The following CNTN5 variants were observed in gnomAD, a reference collection of about 807,000 sequenced individuals.
The protein encoded by CNTN5 is contactin 5.
In CNTN5, 77 loss-of-function variants were observed where a neutral mutation model predicts 129.1. The ratio of observed to expected loss-of-function variants is 0.60; its 90% CI spans 0.50 to 0.72. CNTN5 has a LOEUF of 0.72. Ranked by LOEUF, CNTN5 falls within the 30% of genes least tolerant of loss-of-function variation. The pLI, the probability that CNTN5 is intolerant of heterozygous loss-of-function variation, is 0.00. For synonymous variants in CNTN5, 509 were observed against 465.6 expected (o/e 1.09, Z -1.20); for missense variants, 1,478 against 1,328.8 (o/e 1.11, Z -1.75).
intron 1 of CNTN5, among the ~76,000 whole-genome samples, chr11:99,295,745 G>A (rs1244722606): frequency 9.9e-5 from 15 of 151,588 alleles, no homozygotes; most frequent in Admixed American, 1.3e-4. Flanking sequence ...GCGCGGTGGC[G>A]GGCGCCTGTA....
At chr11:99,722,056 T>G (rs756491465) in intron 3 of CNTN5, among the ~76,000 whole-genome samples, 1 of 152,140 alleles carries the variant, frequency 6.6e-6, no homozygotes, top group Non-Finnish European at 1.5e-5. Context: ...GTTCACCCAT[T>G]GTGGGAAAGC....
intron 8 of CNTN5, among the ~76,000 whole-genome samples, chr11:99,972,085 TAAAAAAAAAAAAAA>T (rs71050038): frequency 2.2e-5 from 2 of 92,228 alleles, no homozygotes; most frequent in Non-Finnish European, 4.0e-5. Flanking sequence ...TTATCTCTAT[TAAAAAAAAAAAAAA>T]AAAAAAAAAA....
chr11:99,768,773 A>T (rs1488856991), intron 3 of CNTN5, among the ~76,000 whole-genome samples: 1 of 152,154 alleles, frequency 6.6e-6, no homozygotes, highest in Non-Finnish European at 1.5e-5. Context: ...TGGATAAGAT[A>T]GGATCTGCCA....
At chr11:99,291,000 A>G (rs1185339189) in intron 1 of CNTN5, among the ~76,000 whole-genome samples, 1 of 151,916 alleles carries the variant, frequency 6.6e-6, no homozygotes, top group African/African-American at 2.4e-5. Flanking sequence ...CCCCTGCCTA[A>G]CAACAGGTAT....
intron 3 of CNTN5, among the ~76,000 whole-genome samples, chr11:99,669,721 T>G (rs1952957243): frequency 6.6e-6 from 1 of 152,114 alleles, no homozygotes; most frequent in African/African-American, 2.4e-5. Context: ...CTGGTCTCTC[T>G]TATCTTACCC....
chr11:99,880,133 C>T (rs957478210), intron 6 of CNTN5, among the ~76,000 whole-genome samples: 8 of 152,182 alleles, frequency 5.3e-5, no homozygotes, highest in South Asian at 2.1e-4. Context: ...ACATGCATAG[C>T]GTGTGTTCAT....
intron 3 of CNTN5, among the ~76,000 whole-genome samples, chr11:99,588,179 T>G (rs1949864496): frequency 6.6e-6 from 1 of 151,942 alleles, no homozygotes; most frequent in African/African-American, 2.4e-5. Context: ...CCGTCTCTAC[T>G]AAAACACACA....
Position 100,299,355 on chromosome 11 carries a change from G to C in CNTN5, c.2579G>C (p.Gly860Ala), listed in dbSNP as rs757976836. 6.2e-7 allele frequency: 1 copy of C among 1,609,318 alleles called. No individual in the cohort carries two copies. ...GGCGTTTATAACAATAAAGGAGATG[G>C]GCCTTTTAGTCAAATTGTGGTCATC... ...KVGVYNNKGD[G>A]PFSQIVVICS... is the part of the protein sequence containing the mutation. The change falls in exon 20 of 25, where the codon GGG becomes GCG. Residue 860 changes from glycine (G) to alanine (A), a missense_variant. Physicochemically the swap from Gly to Ala is moderately conservative, Grantham distance 60. Transcript: ENST00000524871.
At chr11:99,703,318 T>A (rs1954608249) in intron 3 of CNTN5, among the ~76,000 whole-genome samples, 1 of 149,630 alleles carries the variant, frequency 6.7e-6, no homozygotes, top group Non-Finnish European at 1.5e-5. Context: ...TTAAATTATC[T>A]AGAGGTTGAG....
chr11:99,209,485 A>AACTG (rs150386361), intron 1 of CNTN5, among the ~76,000 whole-genome samples: 232 of 1,070 alleles, frequency 0.22, 3 homozygotes, highest in African/African-American at 0.45. Context: ...ATCTTGCATG[A>AACTG]ACAGAGAAAG....
intron 3 of CNTN5, among the ~76,000 whole-genome samples, chr11:99,773,807 A>T (rs1050112826): frequency 6.6e-6 from 1 of 152,078 alleles, no homozygotes; most frequent in African/African-American, 2.4e-5. Context: ...ATTCAAGTTC[A>T]TGAGCGTGAC....
intron 15 of CNTN5, among the ~76,000 whole-genome samples, chr11:100,223,615 C>T (rs1949313395): frequency 6.6e-6 from 1 of 152,084 alleles, no homozygotes; most frequent in Non-Finnish European, 1.5e-5. Context: ...GGTCTGTAAT[C>T]TGGGATGCCT....
intron 13 of CNTN5, among the ~76,000 whole-genome samples, chr11:100,102,728 T>C (rs926202069): frequency 2.6e-5 from 4 of 152,274 alleles, no homozygotes; most frequent in East Asian, 3.9e-4. Flanking sequence ...TATATTTTAT[T>C]TATCCTAGGC....
chr11:99,047,724 T>C (rs1864269967), intron 1 of CNTN5, among the ~76,000 whole-genome samples: 1 of 152,060 alleles, frequency 6.6e-6, no homozygotes, highest in Non-Finnish European at 1.5e-5. Flanking sequence ...ATGCCTAAAT[T>C]AACACCTCCA....
chr11:99,321,113 C>T (rs1029915195), intron 1 of CNTN5, among the ~76,000 whole-genome samples: 2 of 151,844 alleles, frequency 1.3e-5, no homozygotes, highest in East Asian at 1.9e-4. Flanking sequence ...ACTGGAAGTA[C>T]GTTTTTGGCT....
rs1173209999 is a variant in CNTN5, at chr11:100,193,623, A to C, written c.1844A>C (p.Asp615Ala). 3 of 1,612,028 alleles carry C rather than the reference A, an allele frequency of 1.9e-6. No homozygotes were observed. Among genetic ancestry groups the C allele is most frequent in the Non-Finnish European group, 1.7e-6 (2 of 1,178,818 alleles). The stretch of plus-strand genomic sequence containing the variant: ...TGGACTCTGAAAGGACAGCCTATTG[A>C]TTTCGAGGAAGAGGGTGGACATTTT... ...FYWTLKGQPI[D>A]FEEEGGHFES... The change falls in exon 15 of 25, where the codon GAT becomes GCT. Residue 615 changes from aspartate to alanine, a missense_variant. By Grantham distance (126) the Asp-to-Ala change is moderately radical. Coordinates refer to ENST00000524871, the MANE Select transcript of CNTN5 (RefSeq NM_014361.4).
intron 20 of CNTN5, among the ~76,000 whole-genome samples, chr11:100,307,951 A>G (rs1355623326): frequency 6.6e-6 from 1 of 151,684 alleles, no homozygotes; most frequent in Non-Finnish European, 1.5e-5. Context: ...AGATAAAACA[A>G]CTTACCCAAA....
chr11:99,473,270 C>T (rs1945245122), intron 2 of CNTN5, among the ~76,000 whole-genome samples: 1 of 151,934 alleles, frequency 6.6e-6, no homozygotes, highest in Non-Finnish European at 1.5e-5. Context: ...ATTTTCTTTC[C>T]TTGGTATCTG....
chr11:99,277,451 T>C (rs1863493842), intron 1 of CNTN5, among the ~76,000 whole-genome samples: 1 of 151,708 alleles, frequency 6.6e-6, no homozygotes, highest in East Asian at 1.9e-4. Context: ...GAAATGGCCC[T>C]TTTAGAAGCC....
Sources: gnomAD v4.1 joint callset for allele counts (sites outside exome capture counted in the v4.1 genomes callset) on GRCh38, gnomAD v4.1.1 for gene constraint, MANE v1.5 for transcripts, NCBI Gene and HGNC (gene_info 2026-07-23, HGNC 2026-07-21) for gene names.